Variants in HSH2D observed in about 807,000 individuals in gnomAD.
HSH2D encodes the protein hematopoietic SH2 domain-containing protein.
HSH2D carries 16 observed loss-of-function variants against 21.5 expected under a neutral mutation model. That is an observed-to-expected ratio of 0.74 (90% CI 0.50 to 1.13). The LOEUF is 1.13. Among genes scored for constraint, HSH2D ranks in the 50% most tolerant of loss-of-function variants. HSH2D has a pLI of 0.00. For synonymous variants in HSH2D, 172 were observed against 184.7 expected, an observed-to-expected ratio of 0.93 and a Z score of 0.56; for missense variants, 418 against 441.4, an observed-to-expected ratio of 0.95 and a Z score of 0.47.
intron 2 of HSH2D, among the ~76,000 whole-genome samples, chr19:16,149,871 G>A (rs977489324): frequency 2.4e-4 from 36 of 151,682 alleles, no homozygotes; most frequent in African/African-American, 8.5e-4. Flanking sequence ...ATGAGCCACC[G>A]TGCCTGGCCC....
At chr19:16,138,677 C>T (rs985911619) in intron 1 of HSH2D, among the ~76,000 whole-genome samples, 2 of 150,556 alleles carry the variant, frequency 1.3e-5, no homozygotes, top group Non-Finnish European at 3.0e-5. Flanking sequence ...AGGCTGGTCT[C>T]GATCCCTTGA....
upstream of HSH2D, among the ~76,000 whole-genome samples, chr19:16,139,355 G>A (rs1490192752): frequency 6.6e-6 from 1 of 152,230 alleles, no homozygotes; most frequent in Admixed American, 6.5e-5. Context: ...TGGGGTGTGA[G>A]GATTGCTTGA....
chr19:16,148,788 C>G lies in HSH2D; in HGVS notation c.38C>G (p.Pro13Arg). ...EAGKLPLPLP[P>R]RLDWFVHTQM... The stretch of plus-strand genomic sequence containing the variant: ...GGGAAGCTGCCCCTACCGCTACCCC[C>G]ACGGCTGGACTGGTTTGTGCACACC... Residue 13 changes from proline to arginine, a missense_variant, in exon 2 of 6, where the codon CCA (proline) becomes CGA (arginine). Transcript: ENST00000613986. 6.2e-7 allele frequency: 1 copy of G among 1,613,946 alleles called. No individual in the cohort carries two copies. The highest frequency in any genetic ancestry group is 1.1e-5 in the South Asian group (1 of 91,084).
chr19:16,149,591 ATT>A (rs1369923271), intron 2 of HSH2D, among the ~76,000 whole-genome samples: 6 of 123,016 alleles, frequency 4.9e-5, no homozygotes, highest in Non-Finnish European at 3.4e-5. Context: ...TTCTTTTTCT[ATT>A]TTTTTTTTTT....
chr19:16,146,678 C>G (rs182565199), intron 1 of HSH2D, among the ~76,000 whole-genome samples: 1 of 151,874 alleles, frequency 6.6e-6, no homozygotes, highest in African/African-American at 2.4e-5. Flanking sequence ...AGAGGGAAAC[C>G]CTGTCTCAAA....
chr19:16,137,127 C>T (rs2145007780), intron 1 of HSH2D, among the ~76,000 whole-genome samples: 1 of 152,230 alleles, frequency 6.6e-6, no homozygotes, highest in East Asian at 1.9e-4. Flanking sequence ...GGACACATGC[C>T]CTCAACAACT....
At position 16,148,848 on chromosome 19, in the gene HSH2D, A is replaced by C; in HGVS notation, c.98A>C (p.Glu33Ala). ...MGQLAQDGVP[E>A]WFHGAISRED... is the part of the protein sequence containing the mutation. ...CAGCTGGCCCAAGACGGGGTCCCCG[A>C]GTGGTTCCATGGTGCAATCTCAAGA... is the stretch of plus-strand genomic sequence containing the variant. Residue 33 changes from glutamate (E) to alanine (A), a missense_variant, in exon 2 of 6, where the codon GAG becomes GCG. Coordinates refer to ENST00000613986, the MANE Select transcript of HSH2D (RefSeq NM_001382417.1). 1 of 1,613,506 alleles carries C rather than the reference A, an allele frequency of 6.2e-7. No individual in the cohort carries two copies. Among genetic ancestry groups the C allele is most frequent in the East Asian group, 2.2e-5 (1 of 44,862 alleles).
upstream of HSH2D, among the ~76,000 whole-genome samples, chr19:16,140,747 G>A (rs1156542221): frequency 3.9e-5 from 6 of 152,174 alleles, no homozygotes; most frequent in South Asian, 2.1e-4. Flanking sequence ...TTAGCCAGGC[G>A]TGGTGGTGGT....
In HSH2D at chr19:16,158,027, C is replaced by T. The variant is rs2091260751; in HGVS notation, c.*233C>T. 1 of 500,380 alleles carries T rather than the reference C, an allele frequency of 2.0e-6. No individual in the cohort carries two copies. Among genetic ancestry groups the T allele is most frequent in the African/African-American group, 1.9e-5 (1 of 51,776 alleles). 31.0% of individuals were successfully genotyped at this position (500,380 alleles called of 1,614,324 possible). On this transcript the variant is annotated 3_prime_UTR_variant, in exon 6 of 6. Transcript: ENST00000613986. ...ATGGTTTGGGGCACCAGCTATACAT[C>T]AGCCCCAGTGCCAGACCTTCTATTC...
rs1282481667 is a variant in HSH2D at position 16,143,707 on chromosome 19, G to A, written c.-95G>A. On this transcript the variant is annotated 5_prime_UTR_variant, in exon 1 of 6. Coordinates refer to ENST00000613986, the MANE Select transcript of HSH2D (RefSeq NM_001382417.1). ...CCCATTGACGTGCAGACCTTGAATC[G>A]AAACCCAGGCTCCTGCAGGCACTGG... The A allele has an allele frequency of 1.3e-5, 6 of 451,630 alleles. No homozygotes were observed. Among genetic ancestry groups the A allele is most frequent in the African/African-American group, 6.0e-5 (3 of 49,800 alleles). 28.0% of individuals were successfully genotyped at this position (451,630 alleles called of 1,614,324 possible). A position where few individuals can be genotyped will look rare whatever the true frequency, so the allele number is the denominator to read the frequency against.
At chr19:16,146,216 T>C (rs865850637) in intron 1 of HSH2D, among the ~76,000 whole-genome samples, 1 of 152,314 alleles carries the variant, frequency 6.6e-6, no homozygotes, top group South Asian at 2.1e-4. Context: ...TCCAGCTCTG[T>C]CATTGGTACA....
At chr19:16,139,577 TC>T (rs1248165574), upstream of HSH2D, among the ~76,000 whole-genome samples, 1 of 152,074 alleles carries the variant, frequency 6.6e-6, no homozygotes, top group Non-Finnish European at 1.5e-5. Flanking sequence ...TGAGACCTTG[TC>T]TCTAAAAAGA....
chr19:16,144,882 C>T (rs2091045004), intron 1 of HSH2D, among the ~76,000 whole-genome samples: 3 of 149,714 alleles, frequency 2.0e-5, no homozygotes, highest in South Asian at 2.1e-4. Flanking sequence ...TTAGTAGAGA[C>T]GGGGTTTCAC....
chr19:16,143,058 C>T (rs750559802), upstream of HSH2D, among the ~76,000 whole-genome samples: 6 of 152,116 alleles, frequency 3.9e-5, no homozygotes, highest in Admixed American at 2.0e-4. Flanking sequence ...CGTGAGCCAC[C>T]GCGCCCAGTT....
upstream of HSH2D, chr19:16,139,937 G>C (rs1018923921): frequency 2.0e-5 from 3 of 152,216 alleles, no homozygotes; most frequent in African/African-American, 7.2e-5. Context: ...GGGTGATTCT[G>C]TTGCGACATC....
upstream of HSH2D, among the ~76,000 whole-genome samples, chr19:16,139,209 G>T (rs1167348639): frequency 6.6e-6 from 1 of 152,234 alleles, no homozygotes; most frequent in Non-Finnish European, 1.5e-5. Context: ...CCCATCCAGA[G>T]CTGGGGCTCA....
upstream of HSH2D, chr19:16,143,602 T>G: frequency 3.3e-6 from 1 of 305,612 alleles, no homozygotes; most frequent in Non-Finnish European, 6.8e-6. Context: ...GCAGACAGGG[T>G]GACTTGAGCT....
intron 1 of HSH2D, among the ~76,000 whole-genome samples, chr19:16,147,634 T>TTTTTTG (rs1555717038): frequency 1.5e-4 from 22 of 150,304 alleles, no homozygotes; most frequent in Admixed American, 3.3e-4. Context: ...AGTGGTTTTT[T>TTTTTTG]TTTTGTTTTG....
intron 1 of HSH2D, among the ~76,000 whole-genome samples, chr19:16,138,529 C>T (rs759221063): frequency 6.6e-6 from 1 of 152,138 alleles, no homozygotes; most frequent in Non-Finnish European, 1.5e-5. Context: ...AAGATCTCAG[C>T]TCACTGCACC....
Sources: gnomAD v4.1 joint callset for allele counts (sites outside exome capture counted in the v4.1 genomes callset) on GRCh38, gnomAD v4.1.1 for gene constraint, MANE v1.5 for transcripts, NCBI Gene and HGNC (gene_info 2026-07-23, HGNC 2026-07-21) for gene names.